KCNQ1: variants seen among roughly 807,000 people sequenced by gnomAD.
KCNQ1 encodes potassium voltage-gated channel subfamily KQT member 1.
Under a neutral mutation model 72.4 loss-of-function variants are expected in KCNQ1, and 49 were observed. The ratio of observed to expected loss-of-function variants is 0.68; its 90% CI spans 0.54 to 0.86. The LOEUF (loss-of-function observed/expected upper bound fraction) is 0.86, where lower values mean the gene tolerates loss of function less well. Among genes scored for constraint, KCNQ1 ranks in the 40% least tolerant of loss-of-function variants. The pLI, the probability that KCNQ1 is intolerant of heterozygous loss-of-function variation, is 0.00. For missense variants in KCNQ1, 790 were observed against 945.1 expected, an observed-to-expected ratio of 0.84 and a Z score of 2.15; for synonymous variants, 450 against 412.6, an observed-to-expected ratio of 1.09 and a Z score of -1.10.
Position 2,445,250 on chromosome 11 carries a change from ACGCGCCCAT to A in KCNQ1, c.160_168del (p.Ile54_Pro56del), listed in dbSNP as rs397515877. On this transcript the variant is annotated inframe_deletion, in exon 1 of 16. Coordinates refer to ENST00000155840, the MANE Select transcript of KCNQ1 (RefSeq NM_000218.3). ...GGCGGCCCGGCGGGCGGCGCGCTCT[ACGCGCCCAT>A]CGCGCCCGGCGCCCCAGGTCCCGCG... The A allele has an allele frequency of 2.5e-6, 3 of 1,199,352 alleles. No individual in the cohort carries two copies. Among genetic ancestry groups the A allele is most frequent in the Admixed American group, 4.4e-5 (1 of 22,636 alleles). 74.3% of individuals were successfully genotyped at this position (1,199,352 alleles called of 1,614,324 possible). A position where few individuals can be genotyped will look rare whatever the true frequency, so the allele number is the denominator to read the frequency against.
rs578239311 is a variant in KCNQ1 at position 2,752,368 on chromosome 11, T to C, written c.1515-16476T>C. 2.9e-3 allele frequency among the ~76,000 whole-genome samples: 441 copies of C among 151,984 alleles called. 1 individual carries two copies. The highest frequency in any genetic ancestry group is 4.9e-3 in the Non-Finnish European group (334 of 67,970). On this transcript the variant is annotated intron_variant, in intron 11 of 15. Coordinates refer to ENST00000155840, the MANE Select transcript of KCNQ1 (RefSeq NM_000218.3). This position sits in a 1 kb window ranked among gnomAD's most constrained non-coding sequence, Gnocchi z 5.2. ...CCGGACTAAGCTAAACTGAGTTTCA[T>C]TGAGCAGCTTGTTTAGCTGGTGTGT...
rs778329008 is a variant in KCNQ1 at position 2,570,613 on chromosome 11, A to G, written c.478-15A>G. The G allele has an allele frequency of 6.2e-7, 1 of 1,611,718 alleles. No homozygotes were observed. Among genetic ancestry groups the G allele is most frequent in the South Asian group, 1.1e-5 (1 of 91,044 alleles). Reference sequence around the variant, plus strand: ...CGAGCCTGCCTGCAGTGAGCGTCCCACTCTGTCCCTGCAGGAGATCGTGCT... The same window carrying G: ...CGAGCCTGCCTGCAGTGAGCGTCCCGCTCTGTCCCTGCAGGAGATCGTGCT... On this transcript the variant is annotated splice_polypyrimidine_tract_variant and intron_variant, in intron 2 of 15. Coordinates refer to ENST00000155840, the MANE Select transcript of KCNQ1 (RefSeq NM_000218.3).
intron 12 of KCNQ1, among the ~76,000 whole-genome samples, chr11:2,771,098 A>G (rs1470397060): frequency 3.9e-5 from 6 of 152,374 alleles, no homozygotes; most frequent in African/African-American, 1.4e-4. Context: ...AGCAGGTCCC[A>G]GCAGGGCAGA....
rs1223555992 is a variant in KCNQ1, at chr11:2,682,846, C to CA, written c.1514+20766dup. 1 of 398,490 alleles carries CA rather than the reference C, an allele frequency of 2.5e-6. No individual in the cohort carries two copies. The highest frequency in any genetic ancestry group is 3.6e-5 in the East Asian group (1 of 28,078). The allele number at this position is 398,490 out of a possible 1,614,324, so 24.7% of individuals were successfully genotyped here. ...GGGCCTTGTATAGAAGAGACCATCT[C>CA]AGTTTTGTAGACCAGGAAACTGAGG... is the stretch of plus-strand genomic sequence containing the variant. On this transcript the variant is annotated intron_variant, in intron 11 of 15. Transcript: ENST00000155840. This position sits in a 1 kb window ranked among gnomAD's most constrained non-coding sequence, Gnocchi z 5.8.
At position 2,508,027 on chromosome 11, in the gene KCNQ1, A is replaced by G. The variant is rs1847132001; in HGVS notation, c.387-19901A>G. On this transcript the variant is annotated intron_variant, in intron 1 of 15. Transcript: ENST00000155840. The surrounding 1 kb of genome is among the most constrained non-coding windows in gnomAD (Gnocchi z 6.2). ...GTCCTGGTGGGTCCCAGCCCCGTAC[A>G]TGGAGGCTGGGACCCTGCCCTGAAA... is the stretch of plus-strand genomic sequence containing the variant. Among the ~76,000 whole-genome samples the G allele has an allele frequency of 6.6e-6, 1 of 151,848 alleles. No individual in the cohort carries two copies. Among genetic ancestry groups the G allele is most frequent in the Non-Finnish European group, 1.5e-5 (1 of 67,926 alleles).
chr11:2,724,150 G>A lies in KCNQ1; in HGVS notation c.1515-44694G>A, dbSNP rs746393664. On this transcript the variant is annotated intron_variant, in intron 11 of 15. Coordinates refer to ENST00000155840, the MANE Select transcript of KCNQ1 (RefSeq NM_000218.3). This position sits in a 1 kb window ranked among gnomAD's most constrained non-coding sequence, Gnocchi z 6.8. ...GTTCTGGTAAGATCGCCAGGGGGCCGCGACAAGGAGACCAGGAAGGAAAGA... is the reference window on the plus strand; with the variant it reads ...GTTCTGGTAAGATCGCCAGGGGGCCACGACAAGGAGACCAGGAAGGAAAGA... Among the ~76,000 whole-genome samples, 5 of 152,138 alleles carry A rather than the reference G, an allele frequency of 3.3e-5. No individual in the cohort carries two copies. The highest frequency in any genetic ancestry group is 1.9e-4 in the East Asian group (1 of 5,178).
intron 11 of KCNQ1, among the ~76,000 whole-genome samples, chr11:2,731,995 G>A (rs1845865566): frequency 6.6e-6 from 1 of 152,240 alleles, no homozygotes; most frequent in Non-Finnish European, 1.5e-5. Flanking sequence ...GGTGTGGCCT[G>A]CAAGCCGTGG....
chr11:2,533,979 G>A (rs1050456134), intron 2 of KCNQ1, among the ~76,000 whole-genome samples: 2 of 152,316 alleles, frequency 1.3e-5, no homozygotes, highest in East Asian at 3.9e-4. Flanking sequence ...TCATCGCTGC[G>A]GCTTCCTCCC....
intron 11 of KCNQ1, among the ~76,000 whole-genome samples, chr11:2,739,883 T>C (rs1175230142): frequency 6.6e-6 from 1 of 152,214 alleles, no homozygotes; most frequent in Admixed American, 6.5e-5. Flanking sequence ...GGCCAGCCCC[T>C]ATGGGTCGGG....
rs1849953586 is a variant in KCNQ1 at position 2,661,396 on chromosome 11, G to C, written c.1394-565G>C. The C allele has an allele frequency of 9.8e-6, 4 of 409,800 alleles. No individual in the cohort carries two copies. The South Asian group carries it at 3.3e-4, about 33-fold the overall frequency. 25.4% of individuals were successfully genotyped at this position (409,800 alleles called of 1,614,324 possible). A position where few individuals can be genotyped will look rare whatever the true frequency, so the allele number is the denominator to read the frequency against. Reference sequence around the variant, plus strand: ...AATCATAATGTGAAGCCAGCTGTTGGAGGGACTCCTGTGCCTCATTGGGGG... The same window carrying C: ...AATCATAATGTGAAGCCAGCTGTTGCAGGGACTCCTGTGCCTCATTGGGGG... On this transcript the variant is annotated intron_variant, in intron 10 of 15. Coordinates refer to ENST00000155840, the MANE Select transcript of KCNQ1 (RefSeq NM_000218.3). This position sits in a 1 kb window ranked among gnomAD's most constrained non-coding sequence, Gnocchi z 5.9.
At position 2,473,799 on chromosome 11, in the gene KCNQ1, C is replaced by T. The variant is rs1430787449; in HGVS notation, c.386+28315C>T. 1.3e-5 allele frequency among the ~76,000 whole-genome samples: 2 copies of T among 152,250 alleles called. No homozygotes were observed. Among genetic ancestry groups the T allele is most frequent in the Non-Finnish European group, 2.9e-5 (2 of 68,034 alleles). On this transcript the variant is annotated intron_variant, in intron 1 of 15. Coordinates refer to ENST00000155840, the MANE Select transcript of KCNQ1 (RefSeq NM_000218.3). This position sits in a 1 kb window ranked among gnomAD's most constrained non-coding sequence, Gnocchi z 6.0. The stretch of plus-strand genomic sequence containing the variant: ...GCTCTGCACAGGTAGGGCCATGGGG[C>T]CCGCTGGCCAGGGTGGCCATTGCTC...
intron 1 of KCNQ1, among the ~76,000 whole-genome samples, chr11:2,467,999 C>T (rs546392673): frequency 6.6e-6 from 1 of 152,374 alleles, no homozygotes; most frequent in South Asian, 2.1e-4. Flanking sequence ...GGCCATGTGC[C>T]TCTGCATTTC....
rs794728570 is a variant in KCNQ1, at chr11:2,572,030, A to C, written c.701A>C (p.Gln234Pro). 1 of 1,612,804 alleles carries C rather than the reference A, an allele frequency of 6.2e-7. No individual in the cohort carries two copies. Among genetic ancestry groups the C allele is most frequent in the Non-Finnish European group, 8.5e-7 (1 of 1,179,806 alleles). Residue 234 changes from glutamine to proline, a missense_variant, in exon 5 of 16, where the codon CAG becomes CCG. Coordinates refer to ENST00000155840, the MANE Select transcript of KCNQ1 (RefSeq NM_000218.3). ...TSAIRGIRFL[Q>P]ILRMLHVDRQ... ...CTTCGCAGGGGCATCCGCTTCCTGC[A>C]GATCCTGAGGATGCTACACGTCGAC...
Position 2,587,735 on chromosome 11 carries a change from C to A in KCNQ1, c.1251+43C>A, listed in dbSNP as rs565524064. On this transcript the variant is annotated intron_variant, in intron 9 of 15. Transcript: ENST00000155840. ...CACCAGGGCAGGGCCTTCTTGCTAGCAGGTGGGGAGGCCGTGGGGGCCGCA... is the reference window on the plus strand; with the variant it reads ...CACCAGGGCAGGGCCTTCTTGCTAGAAGGTGGGGAGGCCGTGGGGGCCGCA... 3.7e-6 allele frequency: 6 copies of A among 1,613,004 alleles called. No individual in the cohort carries two copies. In the South Asian group the frequency reaches 5.5e-5, roughly 15 times the overall value.
In KCNQ1 at chr11:2,813,174, A is replaced by G. The variant is rs2134042852; in HGVS notation, c.1795-34593A>G. Among the ~76,000 whole-genome samples the G allele has an allele frequency of 6.6e-6, 1 of 152,324 alleles. No homozygotes were observed. Among genetic ancestry groups the G allele is most frequent in the South Asian group, 2.1e-4 (1 of 4,822 alleles). ...TGAGCCCTGTCTTCCTCTTGGCACCATGAGTCACCTGTCAAACTGAGGGGC... is the reference window on the plus strand; with the variant it reads ...TGAGCCCTGTCTTCCTCTTGGCACCGTGAGTCACCTGTCAAACTGAGGGGC... On this transcript the variant is annotated intron_variant, in intron 15 of 15. Transcript: ENST00000155840. This position sits in a 1 kb window ranked among gnomAD's most constrained non-coding sequence, Gnocchi z 4.4.
intron 6 of KCNQ1, among the ~76,000 whole-genome samples, chr11:2,575,269 C>A (rs1848405386): frequency 6.6e-6 from 1 of 152,188 alleles, no homozygotes; most frequent in Non-Finnish European, 1.5e-5. Context: ...GGCATCAGTG[C>A]CCCGGCCCAC....
At chr11:2,697,401 T>C (rs1850695781) in intron 11 of KCNQ1, 2 of 398,596 alleles carry the variant, frequency 5.0e-6, no homozygotes, top group Admixed American at 4.4e-5. Flanking sequence ...TGTATTAGGG[T>C]ATGGCCAGGA....
intron 11 of KCNQ1, chr11:2,667,165 C>CT (rs1292868626): frequency 7.5e-6 from 3 of 398,686 alleles, no homozygotes; most frequent in Non-Finnish European, 4.4e-6. Flanking sequence ...CTCAATCTGG[C>CT]TTCCAGCCTG....
chr11:2,574,035 G>A (rs1035888123), intron 6 of KCNQ1, among the ~76,000 whole-genome samples: 6 of 152,194 alleles, frequency 3.9e-5, no homozygotes, highest in African/African-American at 1.4e-4. Context: ...ATCCTCCAGT[G>A]AAAGTCGGCG....
Sources: gnomAD v4.1 joint callset for allele counts (sites outside exome capture counted in the v4.1 genomes callset) on GRCh38, gnomAD v4.1.1 for gene constraint, Gnocchi (gnomAD v3.1) non-coding constraint, MANE v1.5 for transcripts, NCBI Gene and HGNC (gene_info 2026-07-23, HGNC 2026-07-21) for gene names.